Variants in TEK observed in about 807,000 individuals in gnomAD.
TEK encodes the protein angiopoietin-1 receptor.
A neutral mutation model predicts 131.8 loss-of-function variants in TEK; 43 were observed. That is an observed-to-expected ratio of 0.33 (90% CI 0.26 to 0.42). The LOEUF (loss-of-function observed/expected upper bound fraction) is 0.42. Among genes scored for constraint, TEK ranks in the 10% least tolerant of loss-of-function variants. TEK has a pLI of 1.00. For missense variants in TEK, 1,162 were observed against 1,384.4 expected, an observed-to-expected ratio of 0.84 and a Z score of 2.55; for synonymous variants, 580 against 491.6, an observed-to-expected ratio of 1.18 and a Z score of -2.38.
intron 8 of TEK, among the ~76,000 whole-genome samples, chr9:27,184,521 A>G (rs56230621): frequency 0.11 from 16,271 of 152,208 alleles, 1,053 homozygotes; most frequent in Admixed American, 0.17. Context: ...CCACGTTTCA[A>G]TGTCCCTGAT....
At chr9:27,110,676 CTATTT>C (rs1821305694) in intron 1 of TEK, among the ~76,000 whole-genome samples, 1 of 152,024 alleles carries the variant, frequency 6.6e-6, no homozygotes, top group Non-Finnish European at 1.5e-5. Flanking sequence ...GGTGTTTGAA[CTATTT>C]TATTAAATAT....
intron 1 of TEK, among the ~76,000 whole-genome samples, chr9:27,111,183 C>T (rs7390770): frequency 0.94 from 143,298 of 152,256 alleles, 67,982 homozygotes; most frequent in East Asian, 1. Context: ...GTCTAGACCT[C>T]AGATCCCTGG....
At chr9:27,210,456 G>A in intron 16 of TEK, 1 of 199,040 alleles carries the variant, frequency 5.0e-6, no homozygotes, top group South Asian at 1.1e-4. Context: ...TGGCCGTGGT[G>A]GACAGACTAA....
At chr9:27,147,297 G>A (rs1350317555) in intron 1 of TEK, among the ~76,000 whole-genome samples, 2 of 151,782 alleles carry the variant, frequency 1.3e-5, no homozygotes, top group Non-Finnish European at 2.9e-5. Context: ...GTTTGTAGCA[G>A]TATCTCATTG....
At chr9:27,161,058 G>C (rs1393107808) in intron 2 of TEK, among the ~76,000 whole-genome samples, 1 of 152,164 alleles carries the variant, frequency 6.6e-6, no homozygotes, top group Non-Finnish European at 1.5e-5. Flanking sequence ...ACTGTCCTGA[G>C]GTCATCCTTG....
rs761418463 is a variant in TEK at position 27,183,449 on chromosome 9, C to T, written c.1031-10C>T. ...ATATTAGATTTCACAGTGCTGTTTT[C>T]TTCCTTCAGGCATACAGAGGATGAC... is the stretch of plus-strand genomic sequence containing the variant. On this transcript the variant is annotated splice_polypyrimidine_tract_variant and intron_variant, in intron 7 of 22. Transcript: ENST00000380036. 6.2e-7 allele frequency: 1 copy of T among 1,613,500 alleles called. No homozygotes were observed. The highest frequency in any genetic ancestry group is 8.5e-7 in the Non-Finnish European group (1 of 1,179,568).
chr9:27,136,395 T>C (rs6475966), intron 1 of TEK, among the ~76,000 whole-genome samples: 78,928 of 151,968 alleles, frequency 0.52, 21,496 homozygotes, highest in African/African-American at 0.57. Context: ...TACATTCTTG[T>C]AGTTACCTCT....
Position 27,205,070 on chromosome 9 carries a change from T to C in TEK, c.2364+5T>C. Reference sequence around the variant, plus strand: ...GCCCAAGCCTTCCAAAACGTGGTAGTGTCTCATCTTCCTACTAGCTAATAA... The same window carrying C: ...GCCCAAGCCTTCCAAAACGTGGTAGCGTCTCATCTTCCTACTAGCTAATAA... On this transcript the variant is annotated splice_donor_5th_base_variant and intron_variant, in intron 14 of 22. Coordinates refer to ENST00000380036, the MANE Select transcript of TEK (RefSeq NM_000459.5). 6.2e-7 allele frequency: 1 copy of C among 1,613,952 alleles called. No individual in the cohort carries two copies. Among genetic ancestry groups the C allele is most frequent in the Non-Finnish European group, 8.5e-7 (1 of 1,179,856 alleles).
rs1824005019 is a variant in TEK at position 27,172,742 on chromosome 9, A to G, written c.755A>G (p.Glu252Gly). Reference protein sequence around the residue: ...CPPGFMGRTCEKACELHTFGR... With the variant: ...CPPGFMGRTCGKACELHTFGR... ...CCTGGGTTTATGGGAAGGACGTGTG[A>G]GAAGGGTAAGTAAAGAGACTTGATA... Residue 252 changes from glutamate to glycine, a missense_variant, in exon 5 of 23, where the codon GAG becomes GGG. Glu to Gly is a moderately conservative substitution (Grantham distance 98). Transcript: ENST00000380036. 1 of 1,613,512 alleles carries G rather than the reference A, an allele frequency of 6.2e-7. No individual in the cohort carries two copies. Among genetic ancestry groups the G allele is most frequent in the African/African-American group, 1.3e-5 (1 of 75,006 alleles).
intron 1 of TEK, among the ~76,000 whole-genome samples, chr9:27,143,102 G>C (rs1822788073): frequency 6.6e-6 from 1 of 152,152 alleles, no homozygotes; most frequent in Admixed American, 6.5e-5. Context: ...GTACAAAGCT[G>C]GGCTTCTGTT....
chr9:27,109,436 C>G lies in TEK; in HGVS notation c.-155C>G, dbSNP rs1254421094. The G allele has an allele frequency of 5.1e-6, 4 of 778,080 alleles. No individual in the cohort carries two copies. Among genetic ancestry groups the G allele is most frequent in the Non-Finnish European group, 9.1e-6 (4 of 437,462 alleles). The allele number at this position is 778,080 out of a possible 1,614,324, so 48.2% of individuals were successfully genotyped here. A position where few individuals can be genotyped will look rare whatever the true frequency, so the allele number is the denominator to read the frequency against. On this transcript the variant is annotated 5_prime_UTR_variant, in exon 1 of 23. Transcript: ENST00000380036. ...TGCTCAGACAGAAATGAGACTGTTA[C>G]AGCCTGCTTCTGTGCTGTTCCTTCT...
intron 1 of TEK, among the ~76,000 whole-genome samples, chr9:27,147,978 T>C (rs7854048): frequency 0.19 from 28,235 of 152,196 alleles, 3,000 homozygotes; most frequent in Middle Eastern, 0.27. Flanking sequence ...TATTTAATCT[T>C]TCTTTGTCAT....
intron 21 of TEK, among the ~76,000 whole-genome samples, chr9:27,225,705 A>T (rs571199213): frequency 3.3e-5 from 5 of 152,226 alleles, no homozygotes; most frequent in Non-Finnish European, 7.3e-5. Flanking sequence ...AAACACCAAA[A>T]GCGATGGCAA....
intron 1 of TEK, among the ~76,000 whole-genome samples, chr9:27,149,730 G>C (rs913098150): frequency 1.3e-5 from 2 of 152,224 alleles, no homozygotes; most frequent in African/African-American, 4.8e-5. Context: ...ATTTTGTTCA[G>C]TGCTGTCTTG....
chr9:27,172,407 G>A (rs1823990840), intron 4 of TEK, among the ~76,000 whole-genome samples: 1 of 152,152 alleles, frequency 6.6e-6, no homozygotes, highest in Admixed American at 6.5e-5. Flanking sequence ...ACCAGACAGA[G>A]TTAGGTACTC....
At chr9:27,170,413 T>A (rs1823909318) in intron 4 of TEK, among the ~76,000 whole-genome samples, 1 of 151,918 alleles carries the variant, frequency 6.6e-6, no homozygotes, top group East Asian at 1.9e-4. Context: ...CCCTTTGAGC[T>A]CAAGAGTTTG....
intron 12 of TEK, among the ~76,000 whole-genome samples, chr9:27,199,435 T>TA (rs1219127896): frequency 6.6e-6 from 1 of 152,202 alleles, no homozygotes; most frequent in Admixed American, 6.5e-5. Context: ...CTAAAGTGGT[T>TA]AGTCAGTGTG....
At chr9:27,212,661 C>T in intron 16 of TEK, 46 bp from the exon 17 acceptor site, 2 of 1,599,164 alleles carry the variant, frequency 1.3e-6, no homozygotes, top group Non-Finnish European at 1.7e-6. Context: ...AATGTCATAG[C>T]TGTTCAGGGC....
In TEK at chr9:27,206,643, A is replaced by G. The variant is rs778454536; in HGVS notation, c.2426A>G (p.Asn809Ser). The stretch of plus-strand genomic sequence containing the variant: ...CTGGCCCTAAACAGGAAGGTCAAAA[A>G]CAACCCAGATCCTACAATTTATCCA... The part of the protein sequence containing the change: ...GTLALNRKVK[N>S]NPDPTIYPVL... Residue 809 changes from asparagine (N) to serine (S), a missense_variant, in exon 15 of 23, where the codon AAC becomes AGC. Asn to Ser is a conservative substitution (Grantham distance 46). This residue lies in a region of TEK where 477 missense variants were observed against 471.0 expected (regional missense o/e 1.01). Transcript: ENST00000380036. The G allele has an allele frequency of 3.7e-6, 6 of 1,614,062 alleles. No individual in the cohort carries two copies. The South Asian group carries it at 6.6e-5, about 18-fold the overall frequency.
Sources: gnomAD v4.1 joint callset for allele counts (sites outside exome capture counted in the v4.1 genomes callset) on GRCh38, gnomAD v4.1.1 for gene constraint, gnomAD v4.1.1 regional missense constraint, MANE v1.5 for transcripts, NCBI Gene and HGNC (gene_info 2026-07-23, HGNC 2026-07-21) for gene names.